The following RBFOX1 variants were observed in gnomAD, a reference collection of about 807,000 sequenced individuals.
RBFOX1 encodes RNA binding fox-1 homolog 1, also known as RNA binding protein fox-1 homolog 1.
RBFOX1 carries 8 observed loss-of-function variants against 57.7 expected under a neutral mutation model. The ratio of observed to expected loss-of-function variants is 0.14; its 90% CI spans 0.08 to 0.25. The LOEUF (loss-of-function observed/expected upper bound fraction) is 0.25. RBFOX1 is among the 10% of genes least tolerant of loss of function. The pLI, the probability that RBFOX1 is intolerant of heterozygous loss-of-function variation, is 1.00. For synonymous variants in RBFOX1, 326 were observed against 222.4 expected (o/e 1.47, Z -4.15); for missense variants, 611 against 548.5 (o/e 1.11, Z -1.14).
intron 3 of RBFOX1, among the ~76,000 whole-genome samples, chr16:5,826,133 A>G (rs1345176071): frequency 1.3e-5 from 2 of 148,422 alleles, no homozygotes; most frequent in East Asian, 3.9e-4. Context: ...AAGGAATATT[A>G]TTCCTTATAT....
intron 14 of RBFOX1, among the ~76,000 whole-genome samples, chr16:7,678,056 T>C (rs935145685): frequency 2.6e-5 from 4 of 152,198 alleles, no homozygotes; most frequent in African/African-American, 9.7e-5. Context: ...GAAAACCCCA[T>C]GCATACACTT....
chr16:6,080,686 C>G (rs540243823), intron 1 of RBFOX1, among the ~76,000 whole-genome samples: 1 of 152,142 alleles, frequency 6.6e-6, no homozygotes, highest in African/African-American at 2.4e-5. Flanking sequence ...GTACTCTTCT[C>G]TGAATGAATA....
chr16:7,167,884 C>A (rs1297087888), intron 4 of RBFOX1, among the ~76,000 whole-genome samples: 1 of 152,134 alleles, frequency 6.6e-6, no homozygotes, highest in Non-Finnish European at 1.5e-5. Context: ...GTGTGCCAAC[C>A]GCTCTTCTAG....
chr16:5,817,970 G>A (rs752351577), intron 3 of RBFOX1, among the ~76,000 whole-genome samples: 11 of 152,100 alleles, frequency 7.2e-5, no homozygotes, highest in Non-Finnish European at 1.5e-4. Flanking sequence ...GATTACGGGC[G>A]TGAGCCACCG....
At chr16:6,581,282 G>T (rs967312423) in intron 2 of RBFOX1, among the ~76,000 whole-genome samples, 49 of 152,256 alleles carry the variant, frequency 3.2e-4, no homozygotes, top group African/African-American at 1.2e-3. Flanking sequence ...CCTGCACAGG[G>T]TTCTGTGTCT....
chr16:6,876,401 A>G lies in RBFOX1; in HGVS notation c.-15-175656A>G, dbSNP rs143145216. Reference sequence around the variant, plus strand: ...AACCCCTGAAATGAGCCTATGTTCTATGAAGTAAATTAGCTGAAACAAAGT... The same window carrying G: ...AACCCCTGAAATGAGCCTATGTTCTGTGAAGTAAATTAGCTGAAACAAAGT... On this transcript the variant is annotated intron_variant, in intron 3 of 15. Coordinates refer to ENST00000550418, the MANE Select transcript of RBFOX1 (RefSeq NM_018723.4). Among the ~76,000 whole-genome samples, 31 of 146,632 alleles carry G rather than the reference A, an allele frequency of 2.1e-4. 1 individual carries two copies. The East Asian group carries it at 4.6e-3, about 22-fold the overall frequency.
intron 1 of RBFOX1, among the ~76,000 whole-genome samples, chr16:5,432,593 C>G (rs1344734226): frequency 8.9e-6 from 1 of 112,020 alleles, no homozygotes; most frequent in Non-Finnish European, 1.7e-5. Flanking sequence ...ACTCTTTTTC[C>G]TCTCTAGCAA....
intron 11 of RBFOX1, 135 bp from the exon 12 acceptor site, chr16:7,653,680 C>T (rs2065611131): frequency 2.3e-6 from 3 of 1,320,074 alleles, no homozygotes; most frequent in African/African-American, 1.5e-5. Context: ...TTTTTAACCT[C>T]TTGATTCCGG....
intron 2 of RBFOX1, among the ~76,000 whole-genome samples, chr16:5,496,006 A>G (rs1383469772): frequency 1.3e-5 from 2 of 152,270 alleles, no homozygotes; most frequent in African/African-American, 4.8e-5. Context: ...GGTGCCTGTA[A>G]TCCCAGCTAC....
chr16:5,490,211 C>T (rs1424608550), intron 2 of RBFOX1, among the ~76,000 whole-genome samples: 5 of 152,236 alleles, frequency 3.3e-5, no homozygotes, highest in South Asian at 4.1e-4. Flanking sequence ...GGGCTCATCT[C>T]GTTCATTTTG....
chr16:6,033,346 T>C (rs2095317213), intron 1 of RBFOX1, among the ~76,000 whole-genome samples: 1 of 152,230 alleles, frequency 6.6e-6, no homozygotes, highest in African/African-American at 2.4e-5. Context: ...GATTAAATGG[T>C]ACAATATTCA....
intron 3 of RBFOX1, among the ~76,000 whole-genome samples, chr16:6,944,560 T>A (rs979929281): frequency 1.3e-5 from 2 of 152,136 alleles, no homozygotes; most frequent in Non-Finnish European, 2.9e-5. Flanking sequence ...GTAGACCTCT[T>A]AGGAAATGTG....
At chr16:5,806,617 C>G (rs1597328907) in intron 3 of RBFOX1, among the ~76,000 whole-genome samples, 2 of 152,126 alleles carry the variant, frequency 1.3e-5, no homozygotes, top group African/African-American at 2.4e-5. Context: ...CTTTGCTGTT[C>G]AAGGGTGAAA....
At chr16:7,556,416 G>A (rs1241138291) in intron 5 of RBFOX1, among the ~76,000 whole-genome samples, 1 of 152,150 alleles carries the variant, frequency 6.6e-6, no homozygotes, top group Admixed American at 6.6e-5. Context: ...CCCTTTCTTA[G>A]ATGATGGTAC....
chr16:6,249,651 C>T (rs916093801), intron 1 of RBFOX1, among the ~76,000 whole-genome samples: 4 of 152,018 alleles, frequency 2.6e-5, no homozygotes, highest in Admixed American at 2.6e-4. Context: ...GTAAGGCATG[C>T]AGGCAAAGGT....
chr16:6,410,141 C>A (rs968537679), intron 2 of RBFOX1, among the ~76,000 whole-genome samples: 6 of 148,256 alleles, frequency 4.0e-5, no homozygotes, highest in Non-Finnish European at 8.9e-5. Flanking sequence ...TTCTTCATTG[C>A]AGTTTAGAGT....
chr16:6,443,004 T>G (rs532594198), intron 2 of RBFOX1, among the ~76,000 whole-genome samples: 7 of 152,218 alleles, frequency 4.6e-5, no homozygotes, highest in African/African-American at 4.8e-5. Context: ...ACCAGGAATC[T>G]GTACTTGGAG....
chr16:5,621,531 G>T (rs760303142), intron 3 of RBFOX1, among the ~76,000 whole-genome samples: 1 of 152,160 alleles, frequency 6.6e-6, no homozygotes, highest in Non-Finnish European at 1.5e-5. Flanking sequence ...AATGGAGGGA[G>T]GGAGGGCAGG....
chr16:5,315,601 A>G (rs562033624), intron 1 of RBFOX1, among the ~76,000 whole-genome samples: 34 of 152,272 alleles, frequency 2.2e-4, no homozygotes, highest in African/African-American at 8.2e-4. Context: ...ATTATGCCTG[A>G]TGTTTGTGTA....
Sources: allele counts gnomAD v4.1 joint callset (sites outside exome capture counted in the v4.1 genomes callset), GRCh38; gene constraint gnomAD v4.1.1; transcripts MANE v1.5; gene names NCBI Gene and HGNC (gene_info 2026-07-23, HGNC 2026-07-21).